Variants in DDOST observed in about 807,000 individuals in gnomAD.
DDOST encodes the protein dolichyl-diphosphooligosaccharide--protein glycosyltransferase 48 kDa subunit.
Under a neutral mutation model 47.6 loss-of-function variants are expected in DDOST, and 25 were observed. The observed-to-expected ratio is 0.53, with a 90% CI of 0.38 to 0.73. DDOST has a LOEUF of 0.73. Among genes scored for constraint, DDOST ranks in the 30% least tolerant of loss-of-function variants. The pLI, the probability that DDOST is intolerant of heterozygous loss-of-function variation, is 0.00. For missense variants in DDOST, 526 were observed against 573.9 expected (o/e 0.92, Z 0.85); for synonymous variants, 275 against 236.0 (o/e 1.17, Z -1.51).
At chr1:20,659,017 G>A (rs1401587443) in intron 2 of DDOST, among the ~76,000 whole-genome samples, 5 of 151,286 alleles carry the variant, frequency 3.3e-5, no homozygotes, top group African/African-American at 4.9e-5. Flanking sequence ...CACCACGCCC[G>A]GCTAATTTTG....
rs965461154 is a variant in DDOST at position 20,653,045 on chromosome 1, C to G, written c.943-74G>C. ...TCCACCACCTGCAGGCAGAGCTGCA[C>G]TTAATTCCCACCCGACGAACATGGC... On this transcript the variant is annotated intron_variant, in intron 8 of 10. Coordinates refer to ENST00000602624, the MANE Select transcript of DDOST (RefSeq NM_005216.5). 3.8e-6 allele frequency: 6 copies of G among 1,587,044 alleles called. No homozygotes were observed. The South Asian group carries it at 5.6e-5, about 15-fold the overall frequency.
intron 2 of DDOST, among the ~76,000 whole-genome samples, chr1:20,657,442 T>C (rs1020709370): frequency 1.3e-5 from 2 of 152,140 alleles, no homozygotes; most frequent in African/African-American, 2.4e-5. Flanking sequence ...TGTGAAAATC[T>C]AGGCAGTGAA....
intron 8 of DDOST, 153 bp from the exon 9 acceptor site, chr1:20,653,124 A>G: frequency 1.3e-6 from 1 of 794,700 alleles, no homozygotes; most frequent in Middle Eastern, 3.6e-4. Flanking sequence ...CCCGGCCCTG[A>G]TCAGTAACCA....
intron 5 of DDOST, 95 bp downstream of exon 5, chr1:20,655,345 T>G (rs956944380): frequency 4.5e-6 from 4 of 890,812 alleles, no homozygotes; most frequent in Non-Finnish European, 7.3e-6. Context: ...TACGTACCCT[T>G]AAAGAATTAC....
At chr1:20,655,197 A>T (rs1230913375) in intron 5 of DDOST, among the ~76,000 whole-genome samples, 70 of 107,564 alleles carry the variant, frequency 6.5e-4, no homozygotes, top group Non-Finnish European at 1.2e-3. Flanking sequence ...TTTTTTTTTA[A>T]AGAGAGGAGT....
At chr1:20,655,912 G>T in intron 3 of DDOST, 133 bp from the exon 4 acceptor site, 1 of 856,980 alleles carries the variant, frequency 1.2e-6, no homozygotes, top group Non-Finnish European at 1.9e-6. Context: ...CTCAGCCCCA[G>T]ATGGACCCCT....
chr1:20,660,477 T>A (rs1219398839), intron 2 of DDOST: 1 of 157,868 alleles, frequency 6.3e-6, no homozygotes. Context: ...TGAATCTATC[T>A]GAATTCTTAA....
At chr1:20,661,156 C>T (rs1365153283) in intron 1 of DDOST, 41 bp downstream of exon 1, 4 of 1,598,696 alleles carry the variant, frequency 2.5e-6, no homozygotes, top group East Asian at 4.5e-5. Flanking sequence ...CTGTACCAAC[C>T]CCAGGCCCCC....
Position 20,654,150 on chromosome 1 carries a change from C to T in DDOST, c.794+73G>A, listed in dbSNP as rs1404135076. Reference sequence around the variant, plus strand: ...CTTTTAGCTAAAAGCCTCCTTCTTCCCCTTCTGAGTCCTCCCCATATACAC... The same window carrying T: ...CTTTTAGCTAAAAGCCTCCTTCTTCTCCTTCTGAGTCCTCCCCATATACAC... On this transcript the variant is annotated intron_variant, in intron 7 of 10. Coordinates refer to ENST00000602624, the MANE Select transcript of DDOST (RefSeq NM_005216.5). 7 of 1,499,878 alleles carry T rather than the reference C, an allele frequency of 4.7e-6. No homozygotes were observed. The African/African-American group carries it at 5.6e-5, about 12-fold the overall frequency. The allele number at this position is 1,499,878 out of a possible 1,614,324, so 92.9% of individuals were successfully genotyped here. A position where few individuals can be genotyped will look rare whatever the true frequency, so the allele number is the denominator to read the frequency against.
At chr1:20,658,026 AG>A (rs1187925666) in intron 2 of DDOST, among the ~76,000 whole-genome samples, 6 of 152,236 alleles carry the variant, frequency 3.9e-5, no homozygotes, top group Non-Finnish European at 7.3e-5. Context: ...TACACAGGAC[AG>A]CCTCACTATA....
chr1:20,655,986 C>G (rs2053368241), intron 3 of DDOST, 115 bp downstream of exon 3: 3 of 944,438 alleles, frequency 3.2e-6, no homozygotes, highest in Non-Finnish European at 3.4e-6. Context: ...GGTTCCCTCA[C>G]TGACTCCCCA....
In DDOST at chr1:20,655,664, A is replaced by G. The variant is rs765595117; in HGVS notation, c.456+12T>C. 1 of 1,608,082 alleles carries G rather than the reference A, an allele frequency of 6.2e-7. No homozygotes were observed. The highest frequency in any genetic ancestry group is 8.5e-7 in the Non-Finnish European group (1 of 1,174,442). ...ATGCCCCTGAAACCTGGAAGGTGAC[A>G]GGCCTGATTACCTGGCCAAGGTCTG... On this transcript the variant is annotated intron_variant, in intron 4 of 10. Transcript: ENST00000602624.
chr1:20,655,953 G>A, intron 3 of DDOST, 148 bp downstream of exon 3: 1 of 824,956 alleles, frequency 1.2e-6, no homozygotes, highest in Non-Finnish European at 2.0e-6. Flanking sequence ...GCCTCCAGGA[G>A]TCAGATTCTG....
intron 4 of DDOST, 69 bp from the exon 5 acceptor site, chr1:20,655,603 A>T: frequency 6.3e-7 from 1 of 1,592,836 alleles, no homozygotes; most frequent in East Asian, 2.2e-5. Context: ...ACCTCCTCAC[A>T]CCCTCTTGGC....
chr1:20,657,564 G>C (rs1361885318), intron 2 of DDOST, among the ~76,000 whole-genome samples: 1 of 152,162 alleles, frequency 6.6e-6, no homozygotes, highest in African/African-American at 2.4e-5. Flanking sequence ...CATTAGAAAA[G>C]CTCCAAGGAG....
intron 2 of DDOST, among the ~76,000 whole-genome samples, chr1:20,658,096 C>A (rs141052551): frequency 6.6e-6 from 1 of 152,378 alleles, no homozygotes; most frequent in East Asian, 1.9e-4. Flanking sequence ...GTAAAGCTGA[C>A]AGAACACGGG....
In DDOST at chr1:20,653,471, C is replaced by G. The variant is rs548916599; in HGVS notation, c.942+156G>C. Reference sequence around the variant, plus strand: ...AGGACATCAGTTTTCACGCCAGGCTCTGCATCTCACCTGGCATGCTTAGGT... The same window carrying G: ...AGGACATCAGTTTTCACGCCAGGCTGTGCATCTCACCTGGCATGCTTAGGT... On this transcript the variant is annotated intron_variant, in intron 8 of 10. Coordinates refer to ENST00000602624, the MANE Select transcript of DDOST (RefSeq NM_005216.5). Among the ~76,000 whole-genome samples, 6 of 152,352 alleles carry G rather than the reference C, an allele frequency of 3.9e-5. No homozygotes were observed. The South Asian group carries it at 1.0e-3, about 26-fold the overall frequency.
In DDOST at chr1:20,652,522, CG is replaced by C; in HGVS notation, c.1176del (p.Val393CysfsTer26). ...YTHLYSSTQVSVRPLQHTQYE... is the reference protein window; with the variant it reads ...YTHLYSSTQVXVRPLQHTQYE... ...TACTGCGTGTGCTGGAGTGGCCGCACGGATACCTGCAGGAGGACAGAGGTGG... is the reference window on the plus strand; with the variant it reads ...TACTGCGTGTGCTGGAGTGGCCGCACGATACCTGCAGGAGGACAGAGGTGG... On this transcript the variant is annotated frameshift_variant, in exon 11 of 11. Transcript: ENST00000602624. LOFTEE classifies it high-confidence loss of function. 6.2e-7 allele frequency: 1 copy of C among 1,613,878 alleles called. No homozygotes were observed. Among genetic ancestry groups the C allele is most frequent in the South Asian group, 1.1e-5 (1 of 91,074 alleles).
At chr1:20,653,162 C>T in intron 8 of DDOST, 191 bp from the exon 9 acceptor site, 1 of 628,650 alleles carries the variant, frequency 1.6e-6, no homozygotes, top group East Asian at 2.8e-5. Flanking sequence ...GGTTAATCCC[C>T]CAACACAGCA....
Sources: allele counts gnomAD v4.1 joint callset (sites outside exome capture counted in the v4.1 genomes callset), GRCh38; gene constraint gnomAD v4.1.1; transcripts MANE v1.5; gene names NCBI Gene and HGNC (gene_info 2026-07-23, HGNC 2026-07-21).